SAE1: variants seen among roughly 807,000 people sequenced by gnomAD.
SAE1 encodes the protein SUMO-activating enzyme subunit 1.
SAE1 carries 11 observed loss-of-function variants against 40.6 expected under a neutral mutation model. The ratio of observed to expected loss-of-function variants is 0.27; its 90% confidence interval spans 0.17 to 0.45. The LOEUF is 0.45. SAE1 is among the 20% of genes least tolerant of loss of function. SAE1 has a pLI of 1.00. For missense variants in SAE1, 373 were observed against 427.3 expected (o/e 0.87, Z 1.12); for synonymous variants, 155 against 154.3 (o/e 1.00, Z -0.03).
At position 47,203,750 on chromosome 19, in the gene SAE1, C is replaced by T. The variant is rs953371912; in HGVS notation, c.948+10C>T. On this transcript the variant is annotated intron_variant, in intron 8 of 8. Transcript: ENST00000270225. ...ACAGGAAATTGTGAAGGTAAAACAT[C>T]ACTGTGGAGCAGAAAATTGTTAACC... 4.3e-6 allele frequency: 7 copies of T among 1,610,548 alleles called. No individual in the cohort carries two copies. Among genetic ancestry groups the T allele is most frequent in the Non-Finnish European group, 5.9e-6 (7 of 1,176,834 alleles).
chr19:47,172,736 C>G (rs1199690411), intron 6 of SAE1, among the ~76,000 whole-genome samples: 1 of 149,950 alleles, frequency 6.7e-6, no homozygotes, highest in Non-Finnish European at 1.5e-5. Context: ...AATCACAGAT[C>G]ATCTACTCCA....
chr19:47,152,725 C>T (rs1481687504), intron 3 of SAE1, among the ~76,000 whole-genome samples, 173 bp from the exon 4 acceptor site: 2 of 152,144 alleles, frequency 1.3e-5, no homozygotes, highest in Non-Finnish European at 2.9e-5. Context: ...CACATTGAAA[C>T]CTGCAACTTT....
At chr19:47,150,869 C>T (rs2058283636) in intron 3 of SAE1, among the ~76,000 whole-genome samples, 1 of 152,150 alleles carries the variant, frequency 6.6e-6, no homozygotes, top group African/African-American at 2.4e-5. Flanking sequence ...GTCACATTGA[C>T]CATGTTGCCA....
intron 8 of SAE1, 55 bp from the exon 9 acceptor site, chr19:47,209,104 C>T: frequency 1.7e-5 from 27 of 1,553,208 alleles, no homozygotes; most frequent in Middle Eastern, 3.4e-4. Flanking sequence ...TTTTTTTTTC[C>T]CTCTATTCCT....
chr19:47,182,314 G>C (rs2058511492), intron 6 of SAE1, among the ~76,000 whole-genome samples: 1 of 152,058 alleles, frequency 6.6e-6, no homozygotes, highest in South Asian at 2.1e-4. Context: ...GTGGGTTTTT[G>C]GTGTCCAGTA....
At chr19:47,202,997 A>G (rs371997312) in intron 7 of SAE1, among the ~76,000 whole-genome samples, 4 of 152,282 alleles carry the variant, frequency 2.6e-5, no homozygotes, top group African/African-American at 4.8e-5. Context: ...TCTGTGTTCC[A>G]GTTTGCTTGG....
chr19:47,170,305 C>G (rs959609247), intron 6 of SAE1, among the ~76,000 whole-genome samples: 7 of 150,238 alleles, frequency 4.7e-5, no homozygotes, highest in African/African-American at 1.7e-4. Context: ...ACCTCCACCT[C>G]CTGGGTTGAA....
intron 6 of SAE1, among the ~76,000 whole-genome samples, chr19:47,175,101 G>A (rs1221927647): frequency 1.4e-5 from 2 of 144,326 alleles, no homozygotes; most frequent in African/African-American, 2.5e-5. Flanking sequence ...TTTAAAAGTG[G>A]CCTTGATTTT....
At position 47,165,194 on chromosome 19, in the gene SAE1, A is replaced by G. The variant is rs144831071; in HGVS notation, c.628-4624A>G. On this transcript the variant is annotated intron_variant, in intron 5 of 8. Coordinates refer to ENST00000270225, the MANE Select transcript of SAE1 (RefSeq NM_005500.3). ...AACCTCAGCCTCCTGGGTTCAAGCG[A>G]TTCTCCTGTCTCAGCCTCCCAAGTA... Among the ~76,000 whole-genome samples, 1,412 of 144,390 alleles carry G rather than the reference A, an allele frequency of 9.8e-3. 23 individuals carry two copies. Among genetic ancestry groups the G allele is most frequent in the African/African-American group, 0.035 (1,336 of 38,548 alleles). The allele number at this position is 144,390 out of a possible 152,430, so 94.7% of individuals were successfully genotyped here.
At chr19:47,152,603 G>A (rs775214516) in intron 3 of SAE1, among the ~76,000 whole-genome samples, 1 of 152,176 alleles carries the variant, frequency 6.6e-6, no homozygotes, top group Non-Finnish European at 1.5e-5. Flanking sequence ...ACTATGAAAT[G>A]TGTATATGTT....
intron 5 of SAE1, among the ~76,000 whole-genome samples, chr19:47,159,334 T>C (rs1459566280): frequency 6.6e-6 from 1 of 152,148 alleles, no homozygotes; most frequent in Non-Finnish European, 1.5e-5. Flanking sequence ...TCTTTTTCTT[T>C]CATGTGGTAC....
chr19:47,154,641 C>G (rs2058309485), intron 4 of SAE1, among the ~76,000 whole-genome samples: 1 of 151,216 alleles, frequency 6.6e-6, no homozygotes, highest in Non-Finnish European at 1.5e-5. Flanking sequence ...ATTACAGGCG[C>G]CCACCACCAC....
chr19:47,137,728 T>G (rs866746927), intron 1 of SAE1, among the ~76,000 whole-genome samples: 2 of 96,494 alleles, frequency 2.1e-5, no homozygotes, highest in African/African-American at 3.3e-5. Context: ...TGTGTGTGTG[T>G]TGTTTTTTTT....
intron 2 of SAE1, among the ~76,000 whole-genome samples, chr19:47,144,432 G>T (rs143919871): frequency 6.6e-6 from 1 of 152,256 alleles, no homozygotes; most frequent in Non-Finnish European, 1.5e-5. Context: ...AGGCACAGTG[G>T]CTCATGCCTG....
chr19:47,151,341 G>T (rs909293055), intron 3 of SAE1, among the ~76,000 whole-genome samples: 1 of 151,932 alleles, frequency 6.6e-6, no homozygotes, highest in African/African-American at 2.4e-5. Context: ...AGTAGAGATG[G>T]GGTTTCACCA....
At position 47,203,574 on chromosome 19, in the gene SAE1, GTTTT is replaced by G. The variant is rs1282293717; in HGVS notation, c.879-95_879-92del. ...GAATCGGGCCCTCCTGCTAGAAGTT[GTTTT>G]TATTCAGGAGAGCCTACTACTGAAT... is the stretch of plus-strand genomic sequence containing the variant. On this transcript the variant is annotated intron_variant, in intron 7 of 8. Transcript: ENST00000270225. 2.8e-6 allele frequency: 3 copies of G among 1,059,230 alleles called. No individual in the cohort carries two copies. The South Asian group carries it at 4.0e-5, about 14-fold the overall frequency. The allele number at this position is 1,059,230 out of a possible 1,614,324, so 65.6% of individuals were successfully genotyped here. A position where few individuals can be genotyped will look rare whatever the true frequency, so the allele number is the denominator to read the frequency against.
rs1214868773 is a variant in SAE1 at position 47,210,083 on chromosome 19, G to A, written c.*832G>A. 1.3e-5 allele frequency: 2 copies of A among 152,194 alleles called. No homozygotes were observed. The highest frequency in any genetic ancestry group is 6.5e-5 in the Admixed American group (1 of 15,268). 9.4% of individuals were successfully genotyped at this position (152,194 alleles called of 1,614,324 possible). A position where few individuals can be genotyped will look rare whatever the true frequency, so the allele number is the denominator to read the frequency against. ...AGAGGCTGTTGCATTTCAGGGCTATGTTGGTCCTTTGTTTACCTCCTAAAC... is the reference window on the plus strand; with the variant it reads ...AGAGGCTGTTGCATTTCAGGGCTATATTGGTCCTTTGTTTACCTCCTAAAC... On this transcript the variant is annotated 3_prime_UTR_variant, in exon 9 of 9. Transcript: ENST00000270225.
Position 47,209,430 on chromosome 19 carries a change from C to A in SAE1, c.*179C>A. On this transcript the variant is annotated 3_prime_UTR_variant, in exon 9 of 9. Coordinates refer to ENST00000270225, the MANE Select transcript of SAE1 (RefSeq NM_005500.3). ...TGCTGCTTCCCATCACCAGCAGCTG[C>A]TCGACAAGGGGCGCAGGGTGGCTGT... The A allele has an allele frequency of 9.2e-7, 1 of 1,091,052 alleles. No individual in the cohort carries two copies. The highest frequency in any genetic ancestry group is 1.3e-6 in the Non-Finnish European group (1 of 757,826). The allele number at this position is 1,091,052 out of a possible 1,614,324, so 67.6% of individuals were successfully genotyped here.
chr19:47,189,355 A>G (rs1406345092), intron 6 of SAE1, among the ~76,000 whole-genome samples: 1 of 152,064 alleles, frequency 6.6e-6, no homozygotes, highest in African/African-American at 2.4e-5. Context: ...CAGGAATTTG[A>G]GACCAGCCTG....
Sources: gnomAD v4.1 joint callset for allele counts (sites outside exome capture counted in the v4.1 genomes callset) on GRCh38, gnomAD v4.1.1 for gene constraint, MANE v1.5 for transcripts, NCBI Gene and HGNC (gene_info 2026-07-23, HGNC 2026-07-21) for gene names.